The following NCS1 variants were observed in gnomAD, a reference collection of about 807,000 sequenced individuals.
NCS1 encodes frequenin homolog.
Under a neutral mutation model 28.4 loss-of-function variants are expected in NCS1, and 6 were observed. The ratio of observed to expected loss-of-function variants is 0.21; its 90% CI spans 0.12 to 0.42. NCS1 has a LOEUF of 0.42. Ranked by LOEUF, NCS1 falls within the 10% of genes least tolerant of loss-of-function variation. The pLI, the probability that NCS1 is intolerant of heterozygous loss-of-function variation, is 1.00. For missense variants in NCS1, 131 were observed against 241.4 expected (o/e 0.54, Z 3.03); for synonymous variants, 86 against 99.3 (o/e 0.87, Z 0.79).
At chr9:130,203,279 TG>T (rs1832982714) in intron 2 of NCS1, among the ~76,000 whole-genome samples, 2 of 151,918 alleles carry the variant, frequency 1.3e-5, no homozygotes, top group South Asian at 4.2e-4. Context: ...ACCTGATGCC[TG>T]GCTAATTTTT....
intron 1 of NCS1, among the ~76,000 whole-genome samples, chr9:130,183,728 C>T (rs1267745410): frequency 1.5e-5 from 2 of 136,306 alleles, no homozygotes; most frequent in Non-Finnish European, 3.4e-5. Flanking sequence ...TTCCTTCTTT[C>T]TCTCTCTCTT....
At chr9:130,206,812 C>T (rs1588118007) in intron 2 of NCS1, among the ~76,000 whole-genome samples, 1 of 152,142 alleles carries the variant, frequency 6.6e-6, no homozygotes, top group South Asian at 2.1e-4. Flanking sequence ...CCCCGGCTTT[C>T]AGGGCAACAG....
intron 2 of NCS1, among the ~76,000 whole-genome samples, chr9:130,202,999 A>G (rs568035793): frequency 3.3e-5 from 5 of 151,824 alleles, no homozygotes; most frequent in Non-Finnish European, 7.4e-5. Context: ...GGGATGAACC[A>G]TAGGCATCGA....
chr9:130,189,774 C>T (rs2131125261), intron 1 of NCS1, among the ~76,000 whole-genome samples: 1 of 147,450 alleles, frequency 6.8e-6, no homozygotes, highest in South Asian at 2.1e-4. Context: ...CCTGCTTGAA[C>T]CCAGAAGGTG....
intron 5 of NCS1, 102 bp from the exon 6 acceptor site, chr9:130,222,978 GGC>G (rs1491050165): frequency 1.1e-6 from 1 of 897,732 alleles, no homozygotes. Flanking sequence ...AGAAGAGGGG[GGC>G]GGCCCTCATC....
At chr9:130,207,579 C>T (rs923101765) in intron 2 of NCS1, among the ~76,000 whole-genome samples, 9 of 152,366 alleles carry the variant, frequency 5.9e-5, no homozygotes, top group African/African-American at 2.2e-4. Flanking sequence ...TGACATATAG[C>T]AGCTGCCATA....
At chr9:130,228,113 A>G (rs1833443590) in intron 7 of NCS1, among the ~76,000 whole-genome samples, 1 of 152,188 alleles carries the variant, frequency 6.6e-6, no homozygotes, top group Non-Finnish European at 1.5e-5. Context: ...AAGGAGAGAA[A>G]GAGAGCCAGG....
At position 130,226,632 on chromosome 9, in the gene NCS1, A is replaced by G. The variant is rs1057402591; in HGVS notation, c.*17+128A>G. The stretch of plus-strand genomic sequence containing the variant: ...GGGTGTTGTGGTCAGCCTAGCAGGG[A>G]CATAGCTGGGAGGAGGAGGCTGGAA... On this transcript the variant is annotated intron_variant, in intron 7 of 7. Coordinates refer to ENST00000372398, the MANE Select transcript of NCS1 (RefSeq NM_014286.4). This position sits in a 1 kb window ranked among gnomAD's most constrained non-coding sequence, Gnocchi z 4.8. The G allele has an allele frequency of 4.3e-6, 3 of 696,390 alleles. No individual in the cohort carries two copies. In the African/African-American group the frequency reaches 5.3e-5, roughly 12 times the overall value. The allele number at this position is 696,390 out of a possible 1,614,324, so 43.1% of individuals were successfully genotyped here. A position where few individuals can be genotyped will look rare whatever the true frequency, so the allele number is the denominator to read the frequency against.
intron 1 of NCS1, among the ~76,000 whole-genome samples, chr9:130,184,697 G>A (rs376575695): frequency 4.6e-5 from 7 of 151,778 alleles, no homozygotes; most frequent in Non-Finnish European, 1.0e-4. Context: ...GTGCAATCTC[G>A]GCTCACTGCA....
chr9:130,198,536 C>T (rs1003681188), intron 1 of NCS1, among the ~76,000 whole-genome samples: 11 of 152,348 alleles, frequency 7.2e-5, no homozygotes, highest in Middle Eastern at 6.8e-3. Context: ...ACCGTCCCAG[C>T]TCTGCTGTTT....
In NCS1 at chr9:130,234,591, G is replaced by A. The variant is rs1025253508; in HGVS notation, c.*1619G>A. The A allele has an allele frequency of 6.6e-6, 1 of 152,354 alleles. No individual in the cohort carries two copies. The highest frequency in any genetic ancestry group is 2.4e-5 in the African/African-American group (1 of 41,438). The allele number at this position is 152,354 out of a possible 1,614,324, so 9.4% of individuals were successfully genotyped here. On this transcript the variant is annotated 3_prime_UTR_variant, in exon 8 of 8. Coordinates refer to ENST00000372398, the MANE Select transcript of NCS1 (RefSeq NM_014286.4). The surrounding 1 kb of genome is among the most constrained non-coding windows in gnomAD (Gnocchi z 6.1). ...CGACATCATGTCACTCTAGGCCTGG[G>A]GTTCAGTTTCCTGTGGCTGGTGATG...
chr9:130,185,218 C>T, intron 1 of NCS1, among the ~76,000 whole-genome samples: 1 of 152,268 alleles, frequency 6.6e-6, no homozygotes. Context: ...CAGCTGGGAG[C>T]TGTGAGGACC....
At position 130,174,790 on chromosome 9, in the gene NCS1, CAAA is replaced by C. The variant is rs34473694; in HGVS notation, c.64+2078_64+2080del. ...TGCTCCAAGAGGGAAACTCTGTCTCCAAAAAAAAAAAAAAAAAGCTCTGCTGGG... is the reference window on the plus strand; with the variant it reads ...TGCTCCAAGAGGGAAACTCTGTCTCCAAAAAAAAAAAAAAGCTCTGCTGGG... On this transcript the variant is annotated intron_variant, in intron 1 of 7. Coordinates refer to ENST00000372398, the MANE Select transcript of NCS1 (RefSeq NM_014286.4). 2.6e-3 allele frequency among the ~76,000 whole-genome samples: 237 copies of C among 91,584 alleles called. 7 individuals carry two copies. Among genetic ancestry groups the C allele is most frequent in the African/African-American group, 0.011 (219 of 19,670 alleles). The allele number at this position is 91,584 out of a possible 152,430, so 60.1% of individuals were successfully genotyped here.
chr9:130,206,722 T>C (rs1391631692), intron 2 of NCS1, among the ~76,000 whole-genome samples: 2 of 152,166 alleles, frequency 1.3e-5, no homozygotes, highest in African/African-American at 4.8e-5. Context: ...GTTCTTGTTC[T>C]GAACAACTCT....
intron 1 of NCS1, among the ~76,000 whole-genome samples, chr9:130,197,967 GAAA>G (rs35362310): frequency 2.4e-5 from 3 of 124,598 alleles, no homozygotes; most frequent in Admixed American, 1.6e-4. Flanking sequence ...TTTGTCTCCA[GAAA>G]AAAAAAAAAA....
In NCS1 at chr9:130,181,180, T is replaced by G. The variant is rs1163867639; in HGVS notation, c.64+8453T>G. On this transcript the variant is annotated intron_variant, in intron 1 of 7. Transcript: ENST00000372398. The surrounding 1 kb of genome is among the most constrained non-coding windows in gnomAD (Gnocchi z 5.0). ...GACGGAGTGTGCTTGGGCTGTGGTG[T>G]TCAAGACCCAGGCCCTTGGATCTTC... Among the ~76,000 whole-genome samples the G allele has an allele frequency of 6.6e-6, 1 of 152,182 alleles. No individual in the cohort carries two copies. Among genetic ancestry groups the G allele is most frequent in the Non-Finnish European group, 1.5e-5 (1 of 68,036 alleles).
rs1588130075 is a variant in NCS1 at position 130,235,012 on chromosome 9, G to A, written c.*2040G>A. On this transcript the variant is annotated 3_prime_UTR_variant, in exon 8 of 8. Transcript: ENST00000372398. ...GCCTCTGCCGTAGTGACGTTGCCGTGTGGGGCTGCGTGGCTGTTCCCCTTG... is the reference window on the plus strand; with the variant it reads ...GCCTCTGCCGTAGTGACGTTGCCGTATGGGGCTGCGTGGCTGTTCCCCTTG... The A allele has an allele frequency of 6.6e-6, 1 of 152,456 alleles. No homozygotes were observed. The highest frequency in any genetic ancestry group is 1.5e-5 in the Non-Finnish European group (1 of 68,284). 9.4% of individuals were successfully genotyped at this position (152,456 alleles called of 1,614,324 possible).
At chr9:130,208,526 C>T (rs1404080005) in intron 2 of NCS1, among the ~76,000 whole-genome samples, 3 of 152,158 alleles carry the variant, frequency 2.0e-5, no homozygotes, top group Admixed American at 6.5e-5. Flanking sequence ...ATGCCCACCT[C>T]GGCCTCCCAA....
intron 1 of NCS1, among the ~76,000 whole-genome samples, chr9:130,185,272 G>T (rs781873649): frequency 6.6e-6 from 1 of 152,236 alleles, no homozygotes; most frequent in Non-Finnish European, 1.5e-5. Context: ...CGTGGCTGCC[G>T]GAGTAGCCCC....
Sources: allele counts gnomAD v4.1 joint callset (sites outside exome capture counted in the v4.1 genomes callset), GRCh38; gene constraint gnomAD v4.1.1; non-coding constraint Gnocchi (gnomAD v3.1); transcripts MANE v1.5; gene names NCBI Gene and HGNC (gene_info 2026-07-23, HGNC 2026-07-21).